The following FBXW11 variants were observed in gnomAD, a reference collection of about 807,000 sequenced individuals.
FBXW11 encodes F-box and WD repeat domain containing 11, also known as F-box/WD repeat-containing protein 11.
In FBXW11, 19 loss-of-function variants were observed where a neutral mutation model predicts 77.6. That is an observed-to-expected ratio of 0.24 (90% CI 0.17 to 0.36). The LOEUF (loss-of-function observed/expected upper bound fraction) is 0.36. FBXW11 is among the 10% of genes least tolerant of loss of function. The pLI, the probability that FBXW11 is intolerant of heterozygous loss-of-function variation, is 1.00. For synonymous variants in FBXW11, 235 were observed against 249.4 expected (o/e 0.94, Z 0.54); for missense variants, 334 against 704.2 (o/e 0.47, Z 5.95).
At chr5:171,885,317 G>A (rs1300084991) in intron 7 of FBXW11, among the ~76,000 whole-genome samples, 1 of 152,196 alleles carries the variant, frequency 6.6e-6, no homozygotes, top group African/African-American at 2.4e-5. Flanking sequence ...CAAAAGTGTG[G>A]TGGGGAGCCT....
intron 3 of FBXW11, among the ~76,000 whole-genome samples, chr5:171,912,863 T>C (rs1056578487): frequency 1.3e-5 from 2 of 151,828 alleles, no homozygotes; most frequent in East Asian, 3.8e-4. Flanking sequence ...TGAGCTGAGA[T>C]TGCACCACTG....
At chr5:171,910,889 A>T in intron 3 of FBXW11, 92 bp from the exon 4 acceptor site, 2 of 910,882 alleles carry the variant, frequency 2.2e-6, no homozygotes, top group Non-Finnish European at 3.2e-6. Context: ...TGTGTATTTA[A>T]TCTTAAAATG....
intron 2 of FBXW11, among the ~76,000 whole-genome samples, chr5:171,939,873 C>T (rs969770478): frequency 1.3e-5 from 2 of 152,030 alleles, no homozygotes; most frequent in Non-Finnish European, 2.9e-5. Context: ...ATATCAAAAT[C>T]GACTGGTGCT....
chr5:171,981,170 A>C (rs969901006), intron 1 of FBXW11, among the ~76,000 whole-genome samples: 1 of 151,854 alleles, frequency 6.6e-6, no homozygotes, highest in Non-Finnish European at 1.5e-5. Flanking sequence ...CTTAAAGGGC[A>C]GGGTTCAGAG....
intron 2 of FBXW11, among the ~76,000 whole-genome samples, chr5:171,919,915 G>A (rs934749437): frequency 1.3e-5 from 2 of 152,078 alleles, no homozygotes; most frequent in Non-Finnish European, 1.5e-5. Flanking sequence ...CAGCACTTTG[G>A]GAGGCTGAAG....
Position 171,869,643 on chromosome 5 carries a change from T to A in FBXW11, c.1530+86A>T. ...AGGCATCTTGTGAGACACACAAGCG[T>A]TCCTGTGATACACCTAGACAGGACT... On this transcript the variant is annotated intron_variant, in intron 12 of 13. Transcript: ENST00000517395. The surrounding 1 kb of genome is among the most constrained non-coding windows in gnomAD (Gnocchi z 4.1). 1.0e-6 allele frequency: 1 copy of A among 963,012 alleles called. No homozygotes were observed. The allele number at this position is 963,012 out of a possible 1,614,324, so 59.7% of individuals were successfully genotyped here.
Position 171,951,620 on chromosome 5 carries a change from A to G in FBXW11, c.147+5977T>C, listed in dbSNP as rs572715371. Among the ~76,000 whole-genome samples, 19 of 152,158 alleles carry G rather than the reference A, an allele frequency of 1.2e-4. No homozygotes were observed. In the South Asian group the frequency reaches 3.7e-3, roughly 30 times the overall value. On this transcript the variant is annotated intron_variant, in intron 2 of 13. Coordinates refer to ENST00000517395, the MANE Select transcript of FBXW11 (RefSeq NM_001378974.1). Reference sequence around the variant, plus strand: ...AGCCCTGTGATGTAGCCTCCCGAGTAGCTGAGATTACAGGTGCATGCCACC... The same window carrying G: ...AGCCCTGTGATGTAGCCTCCCGAGTGGCTGAGATTACAGGTGCATGCCACC...
At chr5:171,948,979 A>G (rs772339292) in intron 2 of FBXW11, among the ~76,000 whole-genome samples, 25 of 152,316 alleles carry the variant, frequency 1.6e-4, no homozygotes, top group Middle Eastern at 3.4e-3. Flanking sequence ...CTTTCTCTAA[A>G]ATATTAATTT....
At position 171,876,573 on chromosome 5, in the gene FBXW11, G is replaced by A. The variant is rs762550563; in HGVS notation, c.972-39C>T. 67 of 1,601,402 alleles carry A rather than the reference G, an allele frequency of 4.2e-5. No homozygotes were observed. The highest frequency in any genetic ancestry group is 5.1e-5 in the Non-Finnish European group (60 of 1,170,584). On this transcript the variant is annotated intron_variant, in intron 8 of 13. Transcript: ENST00000517395. The surrounding 1 kb of genome is among the most constrained non-coding windows in gnomAD (Gnocchi z 4.2). The stretch of plus-strand genomic sequence containing the variant: ...GAAAAGCATGATGCTTAATTATGGA[G>A]ACAGCCAGGAAATGATTCTGGTATC...
At chr5:171,947,423 G>A (rs186093915) in intron 2 of FBXW11, among the ~76,000 whole-genome samples, 67 of 152,152 alleles carry the variant, frequency 4.4e-4, no homozygotes, top group Middle Eastern at 3.4e-3. Context: ...CCAGGGCTGG[G>A]TGTGGTGGCC....
intron 2 of FBXW11, among the ~76,000 whole-genome samples, chr5:171,940,989 C>T (rs547157580): frequency 3.3e-5 from 5 of 151,850 alleles, no homozygotes; most frequent in South Asian, 4.2e-4. Flanking sequence ...ATTAAAATAA[C>T]GTACTGAATA....
intron 13 of FBXW11, among the ~76,000 whole-genome samples, chr5:171,865,870 A>G (rs1757361768): frequency 6.6e-6 from 1 of 152,152 alleles, no homozygotes; most frequent in African/African-American, 2.4e-5. Flanking sequence ...ACGGGTGAGT[A>G]TTTTACTGCA....
At chr5:171,874,756 A>C (rs1233002723) in intron 9 of FBXW11, among the ~76,000 whole-genome samples, 2 of 148,124 alleles carry the variant, frequency 1.4e-5, no homozygotes, top group Non-Finnish European at 3.0e-5. Flanking sequence ...TCTCTACAAA[A>C]AAAAAAAAAA....
chr5:171,983,274 G>C (rs766907892), intron 1 of FBXW11, among the ~76,000 whole-genome samples: 63 of 152,146 alleles, frequency 4.1e-4, no homozygotes, highest in Non-Finnish European at 8.8e-5. Flanking sequence ...CACTCACAGA[G>C]GGCATGGAAG....
rs1435779159 is a variant in FBXW11 at position 171,876,687 on chromosome 5, T to C, written c.972-153A>G. Among the ~76,000 whole-genome samples, 1 of 152,112 alleles carries C rather than the reference T, an allele frequency of 6.6e-6. No homozygotes were observed. Among genetic ancestry groups the C allele is most frequent in the African/African-American group, 2.4e-5 (1 of 41,422 alleles). On this transcript the variant is annotated intron_variant, in intron 8 of 13. Coordinates refer to ENST00000517395, the MANE Select transcript of FBXW11 (RefSeq NM_001378974.1). The surrounding 1 kb of genome is among the most constrained non-coding windows in gnomAD (Gnocchi z 4.2). ...TGAAATTGATCCTCAATGTTGGAGG[T>C]GGGGCCTGGCAGGAGATGTTTTGGG...
intron 10 of FBXW11, among the ~76,000 whole-genome samples, chr5:171,871,171 CTATT>C (rs1757730843): frequency 6.6e-6 from 1 of 152,158 alleles, no homozygotes; most frequent in Non-Finnish European, 1.5e-5. Context: ...AACTTCAATT[CTATT>C]TAATCCTTAG....
chr5:172,004,867 G>GCGCACA (rs1554112093), intron 1 of FBXW11, among the ~76,000 whole-genome samples: 80 of 149,446 alleles, frequency 5.4e-4, no homozygotes, highest in South Asian at 1.3e-3. Flanking sequence ...AACCCCACGT[G>GCGCACA]CACACACACA....
In FBXW11 at chr5:171,861,818, T is replaced by A. The variant is rs1304131081; in HGVS notation, c.*2309A>T. On this transcript the variant is annotated 3_prime_UTR_variant, in exon 14 of 14. Coordinates refer to ENST00000517395, the MANE Select transcript of FBXW11 (RefSeq NM_001378974.1). Reference sequence around the variant, plus strand: ...ATTTCAAACAGATAATTGGCAAACATAATTAATTACAAGTTAGAATTAGAC... The same window carrying A: ...ATTTCAAACAGATAATTGGCAAACAAAATTAATTACAAGTTAGAATTAGAC... 1 of 152,666 alleles carries A rather than the reference T, an allele frequency of 6.6e-6. No individual in the cohort carries two copies. The highest frequency in any genetic ancestry group is 2.4e-5 in the African/African-American group (1 of 41,446). 9.5% of individuals were successfully genotyped at this position (152,666 alleles called of 1,614,324 possible). A position where few individuals can be genotyped will look rare whatever the true frequency, so the allele number is the denominator to read the frequency against.
chr5:171,974,741 G>C (rs1236429810), intron 1 of FBXW11, among the ~76,000 whole-genome samples: 1 of 152,070 alleles, frequency 6.6e-6, no homozygotes, highest in Non-Finnish European at 1.5e-5. Context: ...TAAAAACACA[G>C]AGAGAGATAT....
Sources: allele counts gnomAD v4.1 joint callset (sites outside exome capture counted in the v4.1 genomes callset), GRCh38; gene constraint gnomAD v4.1.1; non-coding constraint Gnocchi (gnomAD v3.1); transcripts MANE v1.5; gene names NCBI Gene and HGNC (gene_info 2026-07-23, HGNC 2026-07-21).